CASK: variants seen among roughly 807,000 people sequenced by gnomAD.
The protein encoded by CASK is peripheral plasma membrane protein CASK.
Under a neutral mutation model 82.9 loss-of-function variants are expected in CASK, and 4 were observed. The observed-to-expected ratio is 0.05, with a 90% CI of 0.02 to 0.11. The LOEUF (loss-of-function observed/expected upper bound fraction) is 0.11. CASK is among the 10% of genes least tolerant of loss of function. CASK has a pLI of 1.00. For synonymous variants in CASK, 259 were observed against 253.5 expected (o/e 1.02, Z -0.20); for missense variants, 358 against 720.9 (o/e 0.50, Z 5.76).
At chrX:41,666,994 G>A (rs1019063391) in intron 6 of CASK, among the ~76,000 whole-genome samples, 1 of 110,564 alleles carries the variant, frequency 9.0e-6, no homozygotes, top group African/African-American at 3.3e-5. Context: ...TACCAGTTAG[G>A]TACCTGCTGA....
At chrX:41,707,195 T>C (rs1369472388) in intron 5 of CASK, among the ~76,000 whole-genome samples, 2 of 112,274 alleles carry the variant, frequency 1.8e-5, no homozygotes, top group Non-Finnish European at 3.8e-5. Context: ...CAATAAAATG[T>C]GGTAGACATT....
At chrX:41,695,923 C>A (rs903811098) in intron 5 of CASK, 2 of 1,205,040 alleles carry the variant, frequency 1.7e-6, no homozygotes, top group Non-Finnish European at 2.2e-6. Context: ...CTTAACGTAG[C>A]CATTGCAGAC....
intron 2 of CASK, among the ~76,000 whole-genome samples, chrX:41,836,917 A>G (rs2070936488): frequency 8.9e-6 from 1 of 112,400 alleles, no homozygotes; most frequent in East Asian, 2.8e-4. Context: ...AATGAATACA[A>G]ATTTCCTATG....
intron 21 of CASK, among the ~76,000 whole-genome samples, chrX:41,549,223 A>G (rs758123536): frequency 3.6e-5 from 4 of 111,885 alleles, no homozygotes; most frequent in Non-Finnish European, 5.6e-5. Context: ...GGCTGATACA[A>G]TTGTTTCAAA....
At chrX:41,665,230 G>T in intron 7 of CASK, 47 bp downstream of exon 7, 1 of 1,079,453 alleles carries the variant, frequency 9.3e-7, no homozygotes, top group Non-Finnish European at 1.3e-6. Flanking sequence ...ACATTTTTCA[G>T]GATAAATTAA....
Position 41,922,802 on chromosome X carries a change from TGAG to T in CASK, c.59+125_59+127del, listed in dbSNP as rs1569483709. Reference sequence around the variant, plus strand: ...GTACACGTCTATAAATACTCCAGGATGAGAAGGACGAGAGGGGAAGAGGGGAAG... The same window carrying T: ...GTACACGTCTATAAATACTCCAGGATAAGGACGAGAGGGGAAGAGGGGAAG... On this transcript the variant is annotated intron_variant, in intron 1 of 26. Transcript: ENST00000378163. 1.0e-5 allele frequency: 6 copies of T among 584,177 alleles called. No individual in the cohort carries two copies. In the Admixed American group the frequency reaches 1.1e-4, roughly 10 times the overall value. The allele number at this position is 584,177 out of a possible 1,213,427, so 48.1% of individuals were successfully genotyped here. A position where few individuals can be genotyped will look rare whatever the true frequency, so the allele number is the denominator to read the frequency against.
At chrX:41,664,000 G>A (rs2067076059) in intron 7 of CASK, among the ~76,000 whole-genome samples, 1 of 111,818 alleles carries the variant, frequency 8.9e-6, no homozygotes, top group African/African-American at 3.3e-5. Flanking sequence ...CTACTTACAA[G>A]CAGTTTCCTG....
At chrX:41,699,241 A>G (rs758103404) in intron 5 of CASK, among the ~76,000 whole-genome samples, 3 of 111,796 alleles carry the variant, frequency 2.7e-5, no homozygotes, top group Non-Finnish European at 3.8e-5. Context: ...CTATATTTCA[A>G]TAAGTGCCCG....
intron 3 of CASK, among the ~76,000 whole-genome samples, chrX:41,784,453 T>TC (rs765821214): frequency 3.8e-4 from 43 of 112,283 alleles, no homozygotes; most frequent in Non-Finnish European, 7.3e-4. Flanking sequence ...ATTTTTTTTT[T>TC]CCCTGACAGA....
At chrX:41,559,649 G>T in intron 18 of CASK, 130 bp downstream of exon 18, 1 of 568,522 alleles carries the variant, frequency 1.8e-6, no homozygotes, top group Non-Finnish European at 3.1e-6. Flanking sequence ...TATCTTTGTT[G>T]TAAAATTGGT....
intron 9 of CASK, among the ~76,000 whole-genome samples, chrX:41,627,661 G>C (rs1438934797): frequency 3.6e-5 from 4 of 112,074 alleles, no homozygotes; most frequent in African/African-American, 1.3e-4. Context: ...TGTGGTATTT[G>C]GGAGTAAATC....
intron 2 of CASK, among the ~76,000 whole-genome samples, chrX:41,810,959 C>G (rs2070268681): frequency 9.0e-6 from 1 of 111,002 alleles, no homozygotes; most frequent in Admixed American, 9.6e-5. Flanking sequence ...AGACTTTAAA[C>G]CAACAAAGAT....
At chrX:41,872,414 T>G (rs1259043065) in intron 1 of CASK, among the ~76,000 whole-genome samples, 1 of 111,973 alleles carries the variant, frequency 8.9e-6, no homozygotes, top group East Asian at 2.8e-4. Context: ...ATTATCACAT[T>G]CTAGATCTCA....
chrX:41,810,148 A>G (rs1569455948), intron 2 of CASK, among the ~76,000 whole-genome samples: 1 of 112,385 alleles, frequency 8.9e-6, no homozygotes, highest in African/African-American at 3.2e-5. Flanking sequence ...GAGTGGAACC[A>G]AGTTGGAAAA....
At chrX:41,768,452 G>A (rs770875865) in intron 3 of CASK, among the ~76,000 whole-genome samples, 5 of 110,584 alleles carry the variant, frequency 4.5e-5, no homozygotes, top group African/African-American at 9.9e-5. Flanking sequence ...GTATGTGTGC[G>A]TGTGTGTACA....
chrX:41,768,518 A>G (rs749091336), intron 3 of CASK, among the ~76,000 whole-genome samples: 94 of 111,564 alleles, frequency 8.4e-4, no homozygotes, highest in African/African-American at 3.0e-3. Flanking sequence ...TCTAGTAGCT[A>G]AGAGTTCATT....
chrX:41,922,835 G>A, intron 1 of CASK, 95 bp downstream of exon 1: 1 of 734,766 alleles, frequency 1.4e-6, no homozygotes, highest in Non-Finnish European at 2.1e-6. Context: ...GGGAAGGAGG[G>A]AGGGCAGGGG....
intron 16 of CASK, among the ~76,000 whole-genome samples, chrX:41,568,717 C>T (rs1397532922): frequency 8.0e-5 from 9 of 111,975 alleles, no homozygotes; most frequent in Non-Finnish European, 1.3e-4. Flanking sequence ...AATCATTCTT[C>T]GAGCTGGGCA....
intron 5 of CASK, among the ~76,000 whole-genome samples, chrX:41,731,321 G>A (rs1275834413): frequency 1.8e-5 from 2 of 112,019 alleles, no homozygotes; most frequent in Admixed American, 1.9e-4. Context: ...TTGGGAGGCT[G>A]AGGTGGGAGG....
Sources: gnomAD v4.1 joint callset for allele counts (sites outside exome capture counted in the v4.1 genomes callset) on GRCh38, gnomAD v4.1.1 for gene constraint, MANE v1.5 for transcripts, NCBI Gene and HGNC (gene_info 2026-07-23, HGNC 2026-07-21) for gene names.